MYH2: variants seen among roughly 807,000 people sequenced by gnomAD.
MYH2 encodes the protein myosin-2.
Under a neutral mutation model 228.1 loss-of-function variants are expected in MYH2, and 139 were observed. The ratio of observed to expected loss-of-function variants is 0.61; its 90% CI spans 0.53 to 0.70. The LOEUF is 0.70. MYH2 is among the 30% of genes least tolerant of loss of function. The pLI, the probability that MYH2 is intolerant of heterozygous loss-of-function variation, is 0.00. For synonymous variants in MYH2, 796 were observed against 871.1 expected (o/e 0.91, Z 1.52); for missense variants, 1,809 against 2,357.5 (o/e 0.77, Z 4.82).
intron 5 of MYH2, among the ~76,000 whole-genome samples, chr17:10,544,443 G>A (rs984561921): frequency 3.9e-5 from 6 of 152,310 alleles, no homozygotes; most frequent in African/African-American, 1.4e-4. Context: ...GTGTATTCCT[G>A]AAGCACCAGA....
At position 10,546,549 on chromosome 17, in the gene MYH2, C is replaced by A. The variant is rs556773397; in HGVS notation, c.348+926G>T. Among the ~76,000 whole-genome samples the A allele has an allele frequency of 2.6e-5, 4 of 151,930 alleles. No homozygotes were observed. The South Asian group carries it at 8.3e-4, about 32-fold the overall frequency. ...TGAGACCAGATAAATGAGATGATGTCCCTTGAGGAATCCCCAGTCTATGTA... is the reference window on the plus strand; with the variant it reads ...TGAGACCAGATAAATGAGATGATGTACCTTGAGGAATCCCCAGTCTATGTA... On this transcript the variant is annotated intron_variant, in intron 4 of 39. Coordinates refer to ENST00000245503, the MANE Select transcript of MYH2 (RefSeq NM_017534.6).
rs71365770 is a variant in MYH2 at position 10,528,047 on chromosome 17, C to CTTTTT, written c.3745-178_3745-174dup. Among the ~76,000 whole-genome samples, 1,044 of 131,836 alleles carry CTTTTT rather than the reference C, an allele frequency of 7.9e-3. 29 individuals carry two copies. Among genetic ancestry groups the CTTTTT allele is most frequent in the Middle Eastern group, 0.021 (5 of 236 alleles). The allele number at this position is 131,836 out of a possible 152,430, so 86.5% of individuals were successfully genotyped here. On this transcript the variant is annotated intron_variant, in intron 27 of 39. Coordinates refer to ENST00000245503, the MANE Select transcript of MYH2 (RefSeq NM_017534.6). ...AATGCAGAAAAATTTTTCTTTCTTT[C>CTTTTT]TTTTTTTTTTTTTTTGAGACAGAGT...
Position 10,543,716 on chromosome 17 carries a change from G to T in MYH2, c.736C>A (p.Arg246Ser). 6.2e-7 allele frequency: 1 copy of T among 1,614,122 alleles called. No individual in the cohort carries two copies. Among genetic ancestry groups the T allele is most frequent in the East Asian group, 2.2e-5 (1 of 44,884 alleles). ...AGCGTGTCCAAGAGACTTACAAAGC[G>T]AGAGGAGTTGTCATTCCTCACGGTC... ...AKTVRNDNSS[R>S]FGKFIRIHFG... Residue 246 changes from arginine to serine, a missense_variant, in exon 8 of 40, where the codon CGC (arginine) becomes AGC (serine). Arg to Ser is a moderately radical substitution (Grantham distance 110). Transcript: ENST00000245503.
chr17:10,547,104 A>T (rs1037828899), intron 4 of MYH2, among the ~76,000 whole-genome samples: 40 of 152,184 alleles, frequency 2.6e-4, no homozygotes, highest in African/African-American at 9.4e-4. Context: ...AAAAAATTAA[A>T]ATAGTTTAAA....
intron 21 of MYH2, 101 bp downstream of exon 21, chr17:10,533,184 A>C: frequency 6.5e-7 from 1 of 1,542,118 alleles, no homozygotes; most frequent in Non-Finnish European, 8.9e-7. Flanking sequence ...ACTCTTATTC[A>C]TTTCTTCTTT....
intron 2 of MYH2, among the ~76,000 whole-genome samples, chr17:10,548,239 C>A (rs2073659748): frequency 6.6e-6 from 1 of 152,106 alleles, no homozygotes; most frequent in African/African-American, 2.4e-5. Flanking sequence ...AGCTTGTGAC[C>A]TTGGGTATGT....
intron 10 of MYH2, 126 bp downstream of exon 10, chr17:10,542,749 C>T (rs2073573396): frequency 8.3e-6 from 5 of 600,856 alleles, no homozygotes; most frequent in Non-Finnish European, 2.8e-6. Context: ...ACCAAACTCA[C>T]AAAGCTATTT....
chr17:10,531,917 T>G (rs1361580844), intron 21 of MYH2, 29 bp from the exon 22 acceptor site: 9 of 1,613,420 alleles, frequency 5.6e-6, no homozygotes, highest in Non-Finnish European at 7.6e-6. Context: ...AAATTAGTAT[T>G]GTGTGGTTGA....
chr17:10,545,634 A>G, intron 4 of MYH2, 132 bp from the exon 5 acceptor site: 2 of 1,212,536 alleles, frequency 1.6e-6, no homozygotes, highest in Non-Finnish European at 2.3e-6. Context: ...GTGCTACCTC[A>G]GCTCACTGCA....
intron 22 of MYH2, among the ~76,000 whole-genome samples, chr17:10,531,102 T>G (rs1399768552): frequency 6.6e-6 from 1 of 152,124 alleles, no homozygotes; most frequent in Non-Finnish European, 1.5e-5. Context: ...GCAATGTGGG[T>G]GTGACATGAT....
Position 10,547,579 on chromosome 17 carries a change from G to C in MYH2, c.244C>G (p.Pro82Ala), listed in dbSNP as rs2073651808. The change falls in exon 4 of 40, where the codon CCT becomes GCT. Residue 82 changes from proline (P) to alanine (A), a missense_variant. This residue lies in a region of MYH2 where 373 missense variants were observed against 620.4 expected (regional missense o/e 0.60). Coordinates refer to ENST00000245503, the MANE Select transcript of MYH2 (RefSeq NM_017534.6). ...VKDDQVFPMNPPKYDKIEDMA... is the reference protein window; with the variant it reads ...VKDDQVFPMNAPKYDKIEDMA... ...TCCTCGATCTTGTCATATTTGGGAG[G>C]GTTCATGGGGAAGACCTGATCATCC... 6.2e-7 allele frequency: 1 copy of C among 1,614,002 alleles called. No homozygotes were observed. The highest frequency in any genetic ancestry group is 1.3e-5 in the African/African-American group (1 of 74,894).
chr17:10,533,624 A>G lies in MYH2; in HGVS notation c.2189T>C (p.Val730Ala). The G allele has an allele frequency of 6.2e-7, 1 of 1,614,098 alleles. No individual in the cohort carries two copies. Among genetic ancestry groups the G allele is most frequent in the Non-Finnish European group, 8.5e-7 (1 of 1,179,938 alleles). ...LYADFKQRYK[V>A]LNASAIPEGQ... ...TTCAGGGATTGCACTTGCATTTAAT[A>G]CCTTGTATCTGTTGAAGTACATATA... Residue 730 changes from valine (V) to alanine (A), a missense_variant, in exon 20 of 40, where the codon GTA becomes GCA. Coordinates refer to ENST00000245503, the MANE Select transcript of MYH2 (RefSeq NM_017534.6).
chr17:10,547,565 G>A lies in MYH2; in HGVS notation c.258C>T (p.Asp86=), dbSNP rs2073651612. ...QVFPMNPPKY[D]KIEDMAMMTH... is the part of the protein sequence containing the mutation. ...TCATCATGGCCATATCCTCGATCTTGTCATATTTGGGAGGGTTCATGGGGA... is the reference window on the plus strand; with the variant it reads ...TCATCATGGCCATATCCTCGATCTTATCATATTTGGGAGGGTTCATGGGGA... The change falls in exon 4 of 40, where the codon GAC becomes GAT. Residue 86 remains aspartate, a synonymous_variant. Coordinates refer to ENST00000245503, the MANE Select transcript of MYH2 (RefSeq NM_017534.6). 6.2e-7 allele frequency: 1 copy of A among 1,614,142 alleles called. No individual in the cohort carries two copies. Among genetic ancestry groups the A allele is most frequent in the Non-Finnish European group, 8.5e-7 (1 of 1,180,000 alleles).
At position 10,535,345 on chromosome 17, in the gene MYH2, C is replaced by T; in HGVS notation, c.1995G>A (p.Met665Ile). 6.2e-7 allele frequency: 1 copy of T among 1,614,098 alleles called. No homozygotes were observed. Among genetic ancestry groups the T allele is most frequent in the South Asian group, 1.1e-5 (1 of 91,054 alleles). ...ALFRENLNKLMTNLRSTHPHF... is the reference protein window; with the variant it reads ...ALFRENLNKLITNLRSTHPHF... ...GAGGATGGGTACTCCTGAGGTTGGTCATCAGCTTGTTCAAATTCTCCTGTA... is the reference window on the plus strand; with the variant it reads ...GAGGATGGGTACTCCTGAGGTTGGTTATCAGCTTGTTCAAATTCTCCTGTA... The change falls in exon 18 of 40, where the codon ATG (methionine) becomes ATA (isoleucine). Residue 665 changes from methionine to isoleucine, a missense_variant. By Grantham distance (10) the Met-to-Ile change is conservative (BLOSUM62 1). Coordinates refer to ENST00000245503, the MANE Select transcript of MYH2 (RefSeq NM_017534.6).
At position 10,524,503 on chromosome 17, in the gene MYH2, A is replaced by G. The variant is rs375412003; in HGVS notation, c.5138T>C (p.Leu1713Pro). 1 of 1,614,202 alleles carries G rather than the reference A, an allele frequency of 6.2e-7. No homozygotes were observed. ...TAGCTGAACACGCTCACTGGCATCC[A>G]GGAGCTCCTGTTCTGCGATTTTTCT... ...RSRKIAEQELLDASERVQLLH... is the reference protein window; with the variant it reads ...RSRKIAEQELPDASERVQLLH... The change falls in exon 35 of 40, where the codon CTG (leucine) becomes CCG (proline). Residue 1713 changes from leucine (L) to proline (P), a missense_variant. Transcript: ENST00000245503. The surrounding 1 kb of genome is among the most constrained non-coding windows in gnomAD (Gnocchi z 4.7).
chr17:10,533,570 G>C lies in MYH2; in HGVS notation c.2243C>G (p.Ser748Cys). The C allele has an allele frequency of 6.2e-7, 1 of 1,614,162 alleles. No individual in the cohort carries two copies. The highest frequency in any genetic ancestry group is 8.5e-7 in the Non-Finnish European group (1 of 1,179,988). Residue 748 changes from serine (S) to cysteine (C), a missense_variant, in exon 20 of 40, where the codon TCT (serine) becomes TGT (cysteine). Coordinates refer to ENST00000245503, the MANE Select transcript of MYH2 (RefSeq NM_017534.6). ...EGQFIDSKKA[S>C]EKLLASIDID... ...GTCGATGGATGCAAGGAGCTTCTCAGAGGCCTTCTTGCTATCAATGAATTG... is the reference window on the plus strand; with the variant it reads ...GTCGATGGATGCAAGGAGCTTCTCACAGGCCTTCTTGCTATCAATGAATTG...
rs368424665 is a variant in MYH2 at position 10,537,947 on chromosome 17, T to A, written c.1417-112A>T. 160 of 1,555,874 alleles carry A rather than the reference T, an allele frequency of 1.0e-4. 3 individuals are homozygous for A. In the East Asian group the frequency reaches 2.2e-3, roughly 22 times the overall value. ...CCAAGAGCCTTTATATTACAGATAT[T>A]AAAATCACTGGGTTAAAGAGACTTT... On this transcript the variant is annotated intron_variant, in intron 14 of 39. Transcript: ENST00000245503. The surrounding 1 kb of genome is among the most constrained non-coding windows in gnomAD (Gnocchi z 4.0).
chr17:10,545,642 G>T, intron 4 of MYH2, 140 bp from the exon 5 acceptor site: 1 of 1,183,852 alleles, frequency 8.4e-7, no homozygotes, highest in Non-Finnish European at 1.2e-6. Context: ...TCAGCTCACT[G>T]CAGCCCCAAC....
rs761971624 is a variant in MYH2 at position 10,529,339 on chromosome 17, T to C, written c.3260A>G (p.Lys1087Arg). 1 of 1,613,934 alleles carries C rather than the reference T, an allele frequency of 6.2e-7. No individual in the cohort carries two copies. Among genetic ancestry groups the C allele is most frequent in the South Asian group, 1.1e-5 (1 of 91,078 alleles). ...TAAGCAATTCTTTCTTACTTACTTT[T>C]TGAGCTTTTCATCAAGTTGCTGTTT... ...NEKQQLDEKL[K>R]KKEFEISNLQ... is the part of the protein sequence containing the mutation. Residue 1087 changes from lysine (K) to arginine (R), a missense_variant, in exon 25 of 40, where the codon AAA becomes AGA. By Grantham distance (26) the Lys-to-Arg change is conservative (BLOSUM62 2). This residue lies in a region of MYH2 where 636 missense variants were observed against 729.9 expected (regional missense o/e 0.87). Coordinates refer to ENST00000245503, the MANE Select transcript of MYH2 (RefSeq NM_017534.6).
Sources: allele counts gnomAD v4.1 joint callset (sites outside exome capture counted in the v4.1 genomes callset), GRCh38; gene constraint gnomAD v4.1.1; regional missense constraint gnomAD v4.1.1; non-coding constraint Gnocchi (gnomAD v3.1); transcripts MANE v1.5; gene names NCBI Gene and HGNC (gene_info 2026-07-23, HGNC 2026-07-21).